The following TULP4 variants were observed in gnomAD, a reference collection of about 807,000 sequenced individuals.
TULP4 encodes the protein TUB like protein 4, also known as tubby-related protein 4.
Under a neutral mutation model 129.0 loss-of-function variants are expected in TULP4, and 16 were observed. The ratio of observed to expected loss-of-function variants is 0.12; its 90% CI spans 0.08 to 0.19. The LOEUF is 0.19. TULP4 is among the 10% of genes least tolerant of loss of function. TULP4 has a pLI of 1.00. For synonymous variants in TULP4, 998 were observed against 854.0 expected (o/e 1.17, Z -2.94); for missense variants, 1,842 against 2,059.1 (o/e 0.89, Z 2.04).
chr6:158,429,736 G>T lies in TULP4; in HGVS notation c.382G>T (p.Val128Leu), dbSNP rs1448251816. Residue 128 changes from valine to leucine, a missense_variant and splice_region_variant, in exon 3 of 14, where the codon GTG becomes TTG. By Grantham distance (32) the Val-to-Leu change is conservative. This residue lies in a region of TULP4 where 151 missense variants were observed against 268.7 expected (regional missense o/e 0.56). Transcript: ENST00000367097. Reference sequence around the variant, plus strand: ...ACTCTTTTCTGTGTGTGTCCCCAAGGTGAGTGATTTCACGTGGAGCCATGA... The same window carrying T: ...ACTCTTTTCTGTGTGTGTCCCCAAGTTGAGTGATTTCACGTGGAGCCATGA... ...VELVNDRGAQ[V>L]SDFTWSHDGT... 3.7e-6 allele frequency: 6 copies of T among 1,610,374 alleles called. No individual in the cohort carries two copies. The highest frequency in any genetic ancestry group is 4.2e-6 in the Non-Finnish European group (5 of 1,178,254).
chr6:158,285,413 C>T (rs994422144), intron 1 of TULP4, among the ~76,000 whole-genome samples: 5 of 152,066 alleles, frequency 3.3e-5, no homozygotes, highest in East Asian at 1.9e-4. Flanking sequence ...GTTTTGGCAA[C>T]GTAAGGAAAC....
At chr6:158,408,727 C>T (rs1260191303) in intron 1 of TULP4, among the ~76,000 whole-genome samples, 1 of 152,228 alleles carries the variant, frequency 6.6e-6, no homozygotes, top group Non-Finnish European at 1.5e-5. Flanking sequence ...GGTGACATCT[C>T]TGGGGGCAGC....
intron 1 of TULP4, among the ~76,000 whole-genome samples, chr6:158,366,125 G>A (rs183847003): frequency 9.5e-4 from 144 of 151,620 alleles, no homozygotes; most frequent in Admixed American, 2.2e-3. Context: ...GGATGGTCTC[G>A]ATCTCCTGAT....
intron 2 of TULP4, among the ~76,000 whole-genome samples, chr6:158,420,119 T>C (rs1778302169): frequency 6.6e-6 from 1 of 152,266 alleles, no homozygotes; most frequent in African/African-American, 2.4e-5. Flanking sequence ...GAGGATATTA[T>C]ATAGGTATCA....
At chr6:158,434,594 T>C (rs2115074758) in intron 3 of TULP4, among the ~76,000 whole-genome samples, 1 of 152,324 alleles carries the variant, frequency 6.6e-6, no homozygotes. Context: ...TGCCCCTTGA[T>C]ATGTGAAAAT....
chr6:158,304,565 A>C (rs1232330400), intron 1 of TULP4, among the ~76,000 whole-genome samples: 1 of 152,174 alleles, frequency 6.6e-6, no homozygotes, highest in African/African-American at 2.4e-5. Context: ...ATTTACTTTC[A>C]ATCTGTTATT....
chr6:158,324,640 A>G (rs1779707315), intron 1 of TULP4, among the ~76,000 whole-genome samples: 4 of 152,168 alleles, frequency 2.6e-5, no homozygotes, highest in Admixed American at 2.6e-4. Context: ...TGCTGATGAC[A>G]ATTGCCATAT....
chr6:158,472,796 A>G (rs1416343846), intron 6 of TULP4, among the ~76,000 whole-genome samples: 1 of 152,234 alleles, frequency 6.6e-6, no homozygotes, highest in African/African-American at 2.4e-5. Flanking sequence ...ATTTACTTGT[A>G]ACAGCAATGC....
intron 1 of TULP4, among the ~76,000 whole-genome samples, chr6:158,355,702 T>C (rs989923091): frequency 2.6e-5 from 4 of 152,272 alleles, no homozygotes; most frequent in East Asian, 3.9e-4. Flanking sequence ...AGTGGGATCA[T>C]GGACAGGTTT....
chr6:158,280,076 G>A (rs141056763), upstream of TULP4, among the ~76,000 whole-genome samples: 6 of 152,350 alleles, frequency 3.9e-5, no homozygotes, highest in East Asian at 7.7e-4. Context: ...GGAAAGTTGC[G>A]TATTTCTCGT....
intron 1 of TULP4, among the ~76,000 whole-genome samples, chr6:158,384,690 TG>T (rs1348398757): frequency 3.3e-5 from 5 of 152,176 alleles, no homozygotes; most frequent in African/African-American, 1.2e-4. Context: ...CTGTCTAAAT[TG>T]GGTTTGAGGT....
At chr6:158,328,123 T>TGTGTGCG (rs1554280504) in intron 1 of TULP4, among the ~76,000 whole-genome samples, 1 of 85,084 alleles carries the variant, frequency 1.2e-5, no homozygotes, top group Non-Finnish European at 2.8e-5. Context: ...TGTGTGTGTG[T>TGTGTGCG]GTGTGCGTGC....
intron 2 of TULP4, among the ~76,000 whole-genome samples, chr6:158,415,381 G>T (rs1319178998): frequency 2.2e-5 from 3 of 135,592 alleles, no homozygotes; most frequent in Admixed American, 8.4e-5. Flanking sequence ...ACGGAGTCAC[G>T]CTCTGTCGCC....
chr6:158,337,791 A>ATTT (rs11422123), intron 1 of TULP4, among the ~76,000 whole-genome samples: 2 of 149,198 alleles, frequency 1.3e-5, no homozygotes, highest in Admixed American at 6.7e-5. Context: ...TGAATGTTTG[A>ATTT]TTTTTTTTTT....
intron 2 of TULP4, among the ~76,000 whole-genome samples, chr6:158,422,778 C>G (rs1171893458): frequency 1.3e-5 from 2 of 152,204 alleles, no homozygotes; most frequent in Admixed American, 6.5e-5. Context: ...ATGTGATTCA[C>G]CATGTAGCCT....
chr6:158,272,562 T>C (rs978192852), intron 1 of TULP4, among the ~76,000 whole-genome samples: 9 of 152,146 alleles, frequency 5.9e-5, no homozygotes, highest in Non-Finnish European at 1.3e-4. Context: ...TTTAGAGAGC[T>C]TACAATTAAC....
At chr6:158,384,037 T>G (rs772537591) in intron 1 of TULP4, among the ~76,000 whole-genome samples, 6 of 152,320 alleles carry the variant, frequency 3.9e-5, no homozygotes, top group Admixed American at 2.6e-4. Flanking sequence ...TGAATCTATC[T>G]GTGACTGCCC....
intron 1 of TULP4, among the ~76,000 whole-genome samples, chr6:158,363,031 T>C (rs1780834146): frequency 7.9e-6 from 1 of 127,188 alleles, no homozygotes; most frequent in Non-Finnish European, 1.5e-5. Context: ...GTCTGCACTC[T>C]AGCCTGGGGG....
intron 1 of TULP4, among the ~76,000 whole-genome samples, chr6:158,303,959 A>T (rs571296989): frequency 6.6e-6 from 1 of 152,222 alleles, no homozygotes; most frequent in East Asian, 1.9e-4. Flanking sequence ...TCCACTCCCG[A>T]TGGTAAATTT....
Sources: allele counts gnomAD v4.1 joint callset (sites outside exome capture counted in the v4.1 genomes callset), GRCh38; gene constraint gnomAD v4.1.1; regional missense constraint gnomAD v4.1.1; transcripts MANE v1.5; gene names NCBI Gene and HGNC (gene_info 2026-07-23, HGNC 2026-07-21).